Variants in NELL2 observed in about 807,000 individuals in gnomAD.
NELL2 encodes the protein protein kinase C-binding protein NELL2.
Under a neutral mutation model 109.6 loss-of-function variants are expected in NELL2, and 41 were observed. That is an observed-to-expected ratio of 0.37 (90% CI 0.29 to 0.49). The LOEUF is 0.49. NELL2 is among the 20% of genes least tolerant of loss of function. The probability of loss-of-function intolerance (pLI) is 0.98; values close to 1 mark genes in which losing one functional copy is unlikely to be tolerated. For synonymous variants in NELL2, 355 were observed against 344.7 expected (o/e 1.03, Z -0.33); for missense variants, 900 against 1,008.3 (o/e 0.89, Z 1.45).
intron 15 of NELL2, among the ~76,000 whole-genome samples, chr12:44,569,956 T>C (rs1188004752): frequency 2.0e-5 from 3 of 150,208 alleles, no homozygotes; most frequent in Non-Finnish European, 2.9e-5. Flanking sequence ...AGCAGATAAG[T>C]TCTTCTCTAT....
intron 3 of NELL2, among the ~76,000 whole-genome samples, chr12:44,781,293 T>G (rs981009127): frequency 2.0e-5 from 3 of 151,062 alleles, no homozygotes; most frequent in African/African-American, 7.3e-5. Flanking sequence ...TGGAAGTGAC[T>G]GTGAAAAGAA....
At chr12:44,709,369 G>A (rs950064173) in intron 11 of NELL2, among the ~76,000 whole-genome samples, 9 of 152,100 alleles carry the variant, frequency 5.9e-5, no homozygotes, top group East Asian at 3.9e-4. Context: ...CTTAGATTAC[G>A]TAGAGAGGGA....
chr12:44,843,581 T>C (rs759785207), intron 2 of NELL2, among the ~76,000 whole-genome samples: 1 of 152,202 alleles, frequency 6.6e-6, no homozygotes, highest in Non-Finnish European at 1.5e-5. Context: ...AGAAAAGACT[T>C]GTTCTGTGCT....
chr12:44,700,669 C>T (rs1949202703), intron 12 of NELL2, among the ~76,000 whole-genome samples: 1 of 152,208 alleles, frequency 6.6e-6, no homozygotes, highest in East Asian at 1.9e-4. Context: ...TTTTCCCTAA[C>T]CCCACCACCC....
chr12:44,619,866 C>T (rs564827368), intron 13 of NELL2, among the ~76,000 whole-genome samples: 1 of 152,026 alleles, frequency 6.6e-6, no homozygotes, highest in Non-Finnish European at 1.5e-5. Flanking sequence ...ACATCCAAGC[C>T]CCTGTGATTT....
At chr12:44,876,529 C>A, upstream of NELL2, 1 of 1,417,988 alleles carries the variant, frequency 7.1e-7, no homozygotes, top group Non-Finnish European at 9.3e-7. Flanking sequence ...CTCGATGACC[C>A]GGGCAATGCC....
At chr12:44,902,254 A>G (rs1945669168) in intron 1 of NELL2, among the ~76,000 whole-genome samples, 1 of 152,156 alleles carries the variant, frequency 6.6e-6, no homozygotes, top group African/African-American at 2.4e-5. Flanking sequence ...CTATACACCA[A>G]TAGTAGACAA....
intron 2 of NELL2, among the ~76,000 whole-genome samples, chr12:44,836,482 G>C (rs1327171101): frequency 6.6e-6 from 1 of 152,128 alleles, no homozygotes; most frequent in Non-Finnish European, 1.5e-5. Flanking sequence ...AAAAGAAATA[G>C]AGACTTTCCC....
chr12:44,722,252 C>T (rs574064626), intron 9 of NELL2, among the ~76,000 whole-genome samples: 3 of 152,214 alleles, frequency 2.0e-5, no homozygotes, highest in South Asian at 2.1e-4. Flanking sequence ...GAACTGCAAC[C>T]TCAACCTCCC....
In NELL2 at chr12:44,667,132, A is replaced by T. The variant is rs539048269; in HGVS notation, c.1319-1523T>A. Among the ~76,000 whole-genome samples, 3 of 152,310 alleles carry T rather than the reference A, an allele frequency of 2.0e-5. No individual in the cohort carries two copies. The South Asian group carries it at 6.2e-4, about 32-fold the overall frequency. On this transcript the variant is annotated intron_variant, in intron 12 of 19. Coordinates refer to ENST00000429094, the MANE Select transcript of NELL2 (RefSeq NM_001145108.2). ...ATTGTATTTTTATTAATTTTTATAAATTTCTTTCTCCCAAACAAATCACAT... is the reference window on the plus strand; with the variant it reads ...ATTGTATTTTTATTAATTTTTATAATTTTCTTTCTCCCAAACAAATCACAT...
chr12:44,605,629 A>C (rs970173530), intron 15 of NELL2, among the ~76,000 whole-genome samples: 1 of 152,162 alleles, frequency 6.6e-6, no homozygotes, highest in African/African-American at 2.4e-5. Flanking sequence ...TAGTGGAAGA[A>C]TCCTGTGCAG....
At chr12:44,673,251 T>C (rs1251428292) in intron 12 of NELL2, among the ~76,000 whole-genome samples, 1 of 152,178 alleles carries the variant, frequency 6.6e-6, no homozygotes, top group East Asian at 1.9e-4. Context: ...TTTACAGGCA[T>C]AAAAATGGCA....
At chr12:44,607,287 T>A in intron 14 of NELL2, 23 bp from the exon 15 acceptor site, 1 of 1,598,032 alleles carries the variant, frequency 6.3e-7, no homozygotes, top group Non-Finnish European at 8.6e-7. Context: ...AGATACATGA[T>A]TTTAGCACTT....
rs931885186 is a variant in NELL2 at position 44,682,208 on chromosome 12, A to G, written c.1319-16599T>C. Among the ~76,000 whole-genome samples the G allele has an allele frequency of 4.7e-5, 7 of 150,204 alleles. 1 individual carries two copies. The highest frequency in any genetic ancestry group is 1.5e-4 in the African/African-American group (6 of 39,558). ...TTTTCATGTGTTTTTTGGCTGCATA[A>G]ATGTCTTCTTTTGAGAAGTGTCTGT... On this transcript the variant is annotated intron_variant, in intron 12 of 19. Transcript: ENST00000429094.
intron 2 of NELL2, among the ~76,000 whole-genome samples, chr12:44,867,764 T>A (rs192862220): frequency 3.3e-5 from 5 of 152,110 alleles, no homozygotes; most frequent in African/African-American, 1.2e-4. Context: ...AACTAATAAA[T>A]GATTTCAGTA....
At position 44,831,277 on chromosome 12, in the gene NELL2, G is replaced by A. The variant is rs566800711; in HGVS notation, c.185-15141C>T. Among the ~76,000 whole-genome samples, 5 of 152,164 alleles carry A rather than the reference G, an allele frequency of 3.3e-5. No individual in the cohort carries two copies. The South Asian group carries it at 1.0e-3, about 32-fold the overall frequency. On this transcript the variant is annotated intron_variant, in intron 2 of 19. Transcript: ENST00000429094. Reference sequence around the variant, plus strand: ...GGAGCCACACATCTGACCCCACCATGCTTGTGTCTTTCCCATTTCACGAAC... The same window carrying A: ...GGAGCCACACATCTGACCCCACCATACTTGTGTCTTTCCCATTTCACGAAC...
At chr12:44,536,510 G>GA (rs914498720) in intron 15 of NELL2, among the ~76,000 whole-genome samples, 2 of 151,682 alleles carry the variant, frequency 1.3e-5, no homozygotes, top group African/African-American at 2.4e-5. Context: ...CAGACCTGGG[G>GA]AAAAAAATGT....
chr12:44,606,911 G>A (rs1306895013), intron 15 of NELL2, among the ~76,000 whole-genome samples: 1 of 151,958 alleles, frequency 6.6e-6, no homozygotes, highest in African/African-American at 2.4e-5. Flanking sequence ...TAAAATCCTG[G>A]GTAATTCCAC....
chr12:44,605,333 G>C (rs1162160772), intron 15 of NELL2, among the ~76,000 whole-genome samples: 1 of 152,142 alleles, frequency 6.6e-6, no homozygotes, highest in Non-Finnish European at 1.5e-5. Flanking sequence ...GATGTATAAA[G>C]GGTACAACAC....
Sources: allele counts gnomAD v4.1 joint callset (sites outside exome capture counted in the v4.1 genomes callset), GRCh38; gene constraint gnomAD v4.1.1; transcripts MANE v1.5; gene names NCBI Gene and HGNC (gene_info 2026-07-23, HGNC 2026-07-21).